The following DAB1 variants were observed in gnomAD, a reference collection of about 807,000 sequenced individuals.
DAB1 encodes the protein DAB adaptor protein 1, also known as disabled homolog 1.
DAB1 carries 15 observed loss-of-function variants against 64.6 expected under a neutral mutation model. The ratio of observed to expected loss-of-function variants is 0.23; its 90% CI spans 0.16 to 0.36. The LOEUF is 0.36. Among genes scored for constraint, DAB1 ranks in the 10% least tolerant of loss-of-function variants. The pLI, the probability that DAB1 is intolerant of heterozygous loss-of-function variation, is 1.00. For synonymous variants in DAB1, 235 were observed against 251.9 expected (o/e 0.93, Z 0.64); for missense variants, 596 against 706.7 (o/e 0.84, Z 1.78).
At chr1:57,622,480 GACTT>G (rs1240275534) in intron 7 of DAB1, among the ~76,000 whole-genome samples, 1 of 152,168 alleles carries the variant, frequency 6.6e-6, no homozygotes, top group East Asian at 1.9e-4. Flanking sequence ...AATAATAACT[GACTT>G]AATGATAACA....
At chr1:58,080,482 G>A (rs937537510) in intron 5 of DAB1, among the ~76,000 whole-genome samples, 6 of 152,310 alleles carry the variant, frequency 3.9e-5, no homozygotes, top group Admixed American at 1.3e-4. Flanking sequence ...GGATACAGAC[G>A]TCCTAAAAGC....
At chr1:57,989,640 T>C (rs1646299241) in intron 5 of DAB1, among the ~76,000 whole-genome samples, 1 of 152,148 alleles carries the variant, frequency 6.6e-6, no homozygotes. Flanking sequence ...AAGGAAGACA[T>C]TAAGATGTCA....
intron 7 of DAB1, among the ~76,000 whole-genome samples, chr1:57,597,263 A>G (rs1570659819): frequency 1.3e-5 from 2 of 152,324 alleles, no homozygotes; most frequent in East Asian, 3.9e-4. Flanking sequence ...CTAATCAAGA[A>G]GCCATACAGC....
chr1:58,261,113 CA>C (rs1267903431), intron 4 of DAB1, among the ~76,000 whole-genome samples: 4 of 152,220 alleles, frequency 2.6e-5, no homozygotes, highest in Non-Finnish European at 5.9e-5. Context: ...TATCCTATAA[CA>C]GAAACAATGT....
chr1:57,386,432 G>C (rs1183364231), intron 1 of DAB1: 1 of 150,756 alleles, frequency 6.6e-6, no homozygotes, highest in Non-Finnish European at 1.5e-5. Context: ...ATCCTGGTCA[G>C]CTTTACGGGG....
At chr1:58,536,024 T>A (rs191374456) in intron 1 of DAB1, among the ~76,000 whole-genome samples, 1 of 152,274 alleles carries the variant, frequency 6.6e-6, no homozygotes, top group East Asian at 1.9e-4. Context: ...CCATGAAGCT[T>A]AGTCTAACAA....
chr1:57,228,231 T>C (rs1310393925), intron 2 of DAB1, among the ~76,000 whole-genome samples: 1 of 152,188 alleles, frequency 6.6e-6, no homozygotes, highest in Non-Finnish European at 1.5e-5. Flanking sequence ...TGGTATCCAT[T>C]TTATAATCTG....
intron 5 of DAB1, among the ~76,000 whole-genome samples, chr1:58,085,187 G>C (rs1650229008): frequency 6.6e-6 from 1 of 152,132 alleles, no homozygotes; most frequent in Non-Finnish European, 1.5e-5. Flanking sequence ...GACAGATGGA[G>C]GAATTGGATC....
chr1:58,427,390 C>T (rs1011068407), intron 3 of DAB1, among the ~76,000 whole-genome samples: 1 of 151,970 alleles, frequency 6.6e-6, no homozygotes, highest in Non-Finnish European at 1.5e-5. Flanking sequence ...TATGATATGG[C>T]TTTATTTGAA....
chr1:57,888,993 A>G (rs531120640), upstream of DAB1, among the ~76,000 whole-genome samples: 10 of 152,278 alleles, frequency 6.6e-5, no homozygotes, highest in Admixed American at 2.6e-4. Flanking sequence ...GATGGCAAGG[A>G]GTGTGCGATG....
At chr1:58,391,561 T>G (rs528452150) in intron 3 of DAB1, among the ~76,000 whole-genome samples, 1 of 152,158 alleles carries the variant, frequency 6.6e-6, no homozygotes, top group African/African-American at 2.4e-5. Context: ...TCCAACCCCT[T>G]GGCTTTTCAA....
intron 3 of DAB1, among the ~76,000 whole-genome samples, chr1:58,442,579 TGAG>T (rs1645023687): frequency 6.6e-6 from 1 of 152,152 alleles, no homozygotes; most frequent in South Asian, 2.1e-4. Flanking sequence ...AGACTTTTTT[TGAG>T]GAGATGTCAA....
chr1:57,624,135 C>T (rs376750738), intron 7 of DAB1, among the ~76,000 whole-genome samples: 1 of 152,198 alleles, frequency 6.6e-6, no homozygotes, highest in Non-Finnish European at 1.5e-5. Context: ...TGGAAGGATA[C>T]ATTGAAATGC....
intron 4 of DAB1, among the ~76,000 whole-genome samples, chr1:58,220,099 C>T (rs536224595): frequency 3.3e-5 from 5 of 152,226 alleles, no homozygotes; most frequent in Admixed American, 2.6e-4. Flanking sequence ...TATTTGTTCC[C>T]TGAAAAAAGA....
chr1:57,878,796 G>T (rs1379330249), intron 1 of DAB1: 3 of 151,966 alleles, frequency 2.0e-5, no homozygotes, highest in Non-Finnish European at 4.4e-5. Context: ...CTGTAATTTT[G>T]TATCCATTAA....
At chr1:57,501,959 T>C (rs112449793) in intron 7 of DAB1, among the ~76,000 whole-genome samples, 1 of 152,260 alleles carries the variant, frequency 6.6e-6, no homozygotes, top group African/African-American at 2.4e-5. Context: ...ATGTATACTA[T>C]TCTGCCTAAC....
chr1:57,682,713 C>G (rs1646650155), intron 6 of DAB1, among the ~76,000 whole-genome samples: 2 of 152,108 alleles, frequency 1.3e-5, no homozygotes, highest in African/African-American at 4.8e-5. Flanking sequence ...AGGCTTCAGC[C>G]AGGGTGTATG....
intron 4 of DAB1, among the ~76,000 whole-genome samples, chr1:58,151,715 A>G (rs558926958): frequency 1.3e-5 from 2 of 152,308 alleles, no homozygotes; most frequent in East Asian, 3.9e-4. Flanking sequence ...AATGCATACT[A>G]TGTGCAATGT....
rs548065902 is a variant in DAB1, at chr1:58,101,530, G to A, written n.387+48981C>T. ...ACCTGAATAGTGGATGAGGGAGCCT[G>A]CTTGATGTAAGAAACCATGGAGGTC... On this transcript the variant is annotated intron_variant and non_coding_transcript_variant, in intron 5 of 20. Coordinates refer to the DAB1 transcript ENST00000485760. Among the ~76,000 whole-genome samples, 123 of 152,196 alleles carry A rather than the reference G, an allele frequency of 8.1e-4. 3 individuals carry two copies. In the Middle Eastern group the frequency reaches 0.01, roughly 13 times the overall value.
Sources: allele counts gnomAD v4.1 joint callset (sites outside exome capture counted in the v4.1 genomes callset), GRCh38; gene constraint gnomAD v4.1.1; transcripts MANE v1.5; gene names NCBI Gene and HGNC (gene_info 2026-07-23, HGNC 2026-07-21).